The following ARHGAP20 variants were observed in gnomAD, a reference collection of about 807,000 sequenced individuals.
ARHGAP20 encodes the protein Rho GTPase activating protein 20, also known as rho GTPase-activating protein 20.
ARHGAP20 carries 34 observed loss-of-function variants against 73.7 expected under a neutral mutation model. That is an observed-to-expected ratio of 0.46 (90% CI 0.35 to 0.61). The LOEUF is 0.61. Ranked by LOEUF, ARHGAP20 falls within the 20% of genes least tolerant of loss-of-function variation. The probability of loss-of-function intolerance (pLI) is 0.00; values close to 1 mark genes in which losing one functional copy is unlikely to be tolerated. For synonymous variants in ARHGAP20, 523 were observed against 518.2 expected (o/e 1.01, Z -0.13); for missense variants, 1,314 against 1,420.9 (o/e 0.92, Z 1.21).
In ARHGAP20 at chr11:110,592,108, C is replaced by T; in HGVS notation, c.1012G>A (p.Ala338Thr). Residue 338 changes from alanine (A) to threonine (T), a missense_variant, in exon 10 of 15, where the codon GCC becomes ACC. This residue lies in a region of ARHGAP20 where 443 missense variants were observed against 466.4 expected (regional missense o/e 0.95). Coordinates refer to ENST00000683387, the MANE Select transcript of ARHGAP20 (RefSeq NM_001384657.1). The stretch of plus-strand genomic sequence containing the variant: ...TGAGTGCTAGAACCTCGCCAGAAGG[C>T]CCAGTTTATGATAGATCTTCTCCTT... ...FKRRRSIINW[A>T]FWRGSSTHLD... 6.2e-7 allele frequency: 1 copy of T among 1,614,128 alleles called. No homozygotes were observed. Among genetic ancestry groups the T allele is most frequent in the Non-Finnish European group, 8.5e-7 (1 of 1,179,982 alleles).
chr11:110,583,081 G>A (rs1947517124), intron 13 of ARHGAP20, among the ~76,000 whole-genome samples: 1 of 152,200 alleles, frequency 6.6e-6, no homozygotes, highest in South Asian at 2.1e-4. Flanking sequence ...AAAGGGAACT[G>A]ATATCCCCAC....
intron 4 of ARHGAP20, among the ~76,000 whole-genome samples, chr11:110,617,755 T>C (rs944644470): frequency 1.3e-5 from 2 of 152,292 alleles, no homozygotes. Flanking sequence ...CTCAGGCATT[T>C]TTACAGGACT....
intron 1 of ARHGAP20, among the ~76,000 whole-genome samples, chr11:110,700,611 T>C (rs1418332464): frequency 1.3e-5 from 2 of 152,090 alleles, no homozygotes; most frequent in Non-Finnish European, 2.9e-5. Context: ...TATTATACTT[T>C]AAGTTTTAGG....
intron 2 of ARHGAP20, among the ~76,000 whole-genome samples, chr11:110,640,092 T>G (rs1487899744): frequency 1.3e-5 from 2 of 152,050 alleles, no homozygotes; most frequent in Non-Finnish European, 2.9e-5. Flanking sequence ...TCTCCCCTTT[T>G]GCTTCCCACA....
In ARHGAP20 at chr11:110,590,674, T is replaced by C; in HGVS notation, c.1279A>G (p.Ile427Val). Residue 427 changes from isoleucine to valine, a missense_variant, in exon 11 of 15, where the codon ATT (isoleucine) becomes GTT (valine). Ile to Val is a conservative substitution (Grantham distance 29). Around this residue, in one of 3 missense-constraint regions of ARHGAP20, gnomAD observed 230 missense variants for 317.6 expected, o/e 0.72. Coordinates refer to ENST00000683387, the MANE Select transcript of ARHGAP20 (RefSeq NM_001384657.1). ...TTTAAGACAGATGCTATCACAAAAA[T>C]AGATTCACAGTCTAGGTGTACTTCG... Reference protein sequence around the residue: ...GVEVHLDCESIFVIASVLKDF... With the variant: ...GVEVHLDCESVFVIASVLKDF... 5 of 1,613,952 alleles carry C rather than the reference T, an allele frequency of 3.1e-6. No individual in the cohort carries two copies. Among genetic ancestry groups the C allele is most frequent in the Non-Finnish European group, 3.4e-6 (4 of 1,179,916 alleles).
chr11:110,700,212 T>C (rs1950416990), intron 1 of ARHGAP20, among the ~76,000 whole-genome samples: 1 of 151,998 alleles, frequency 6.6e-6, no homozygotes, highest in South Asian at 2.1e-4. Context: ...TCATGCTTTG[T>C]TTTGTTCCAG....
intron 1 of ARHGAP20, among the ~76,000 whole-genome samples, chr11:110,704,680 A>G (rs1438320514): frequency 6.6e-6 from 1 of 152,168 alleles, no homozygotes; most frequent in Non-Finnish European, 1.5e-5. Flanking sequence ...AGTAAATAAA[A>G]GCTAAAGATC....
At chr11:110,688,154 C>T (rs944211300) in intron 2 of ARHGAP20, among the ~76,000 whole-genome samples, 1 of 152,266 alleles carries the variant, frequency 6.6e-6, no homozygotes, top group African/African-American at 2.4e-5. Flanking sequence ...TTCTTCTCTA[C>T]GCAGGATATT....
At chr11:110,675,632 G>A (rs1300253854) in intron 2 of ARHGAP20, among the ~76,000 whole-genome samples, 1 of 152,144 alleles carries the variant, frequency 6.6e-6, no homozygotes. Context: ...TGTGCTCCTA[G>A]GAGAATCTAG....
At chr11:110,663,400 G>A (rs1448237926) in intron 2 of ARHGAP20, among the ~76,000 whole-genome samples, 2 of 150,230 alleles carry the variant, frequency 1.3e-5, no homozygotes, top group East Asian at 3.9e-4. Flanking sequence ...ACTAATATCA[G>A]GAATTCCAAA....
intron 1 of ARHGAP20, among the ~76,000 whole-genome samples, chr11:110,708,772 G>A (rs958117990): frequency 1.3e-4 from 20 of 152,148 alleles, no homozygotes; most frequent in Admixed American, 1.2e-3. Context: ...AACTTTGGGG[G>A]ATGACGAATA....
chr11:110,669,943 T>C (rs1215091995), intron 2 of ARHGAP20, among the ~76,000 whole-genome samples: 1 of 152,042 alleles, frequency 6.6e-6, no homozygotes, highest in Non-Finnish European at 1.5e-5. Flanking sequence ...ATAAAGAGGT[T>C]TTGGTATACC....
chr11:110,650,970 A>T (rs1475329542), intron 2 of ARHGAP20, among the ~76,000 whole-genome samples: 1 of 152,174 alleles, frequency 6.6e-6, no homozygotes, highest in African/African-American at 2.4e-5. Context: ...ACTTATTCTA[A>T]AATTGATCAC....
chr11:110,599,064 C>G (rs1052693422), intron 9 of ARHGAP20, among the ~76,000 whole-genome samples: 2 of 152,212 alleles, frequency 1.3e-5, no homozygotes, highest in Non-Finnish European at 2.9e-5. Flanking sequence ...GCCCTGCCCT[C>G]CCAGGTGTAG....
chr11:110,605,692 T>C (rs1320351307), intron 9 of ARHGAP20, among the ~76,000 whole-genome samples: 2 of 151,912 alleles, frequency 1.3e-5, no homozygotes, highest in Non-Finnish European at 2.9e-5. Context: ...AATTTCAGAC[T>C]TTCCCCTGGC....
At chr11:110,621,615 A>AT (rs963673757) in intron 4 of ARHGAP20, among the ~76,000 whole-genome samples, 6 of 151,836 alleles carry the variant, frequency 4.0e-5, no homozygotes, top group Non-Finnish European at 7.4e-5. Context: ...CCTTTTTAGT[A>AT]TTTTTTATTT....
rs1947395451 is a variant in ARHGAP20 at position 110,579,863 on chromosome 11, T to C, written c.3083A>G (p.His1028Arg). 10 of 1,614,234 alleles carry C rather than the reference T, an allele frequency of 6.2e-6. No individual in the cohort carries two copies. The highest frequency in any genetic ancestry group is 7.6e-6 in the Non-Finnish European group (9 of 1,180,042). Reference protein sequence around the residue: ...KDTMEWHSQMHSVTLHPSTWL... With the variant: ...KDTMEWHSQMRSVTLHPSTWL... ...TGTGCTGGGATGAAGAGTTACAGAA[T>C]GCATTTGTGAATGCCACTCCATGGT... The change falls in exon 15 of 15, where the codon CAT (histidine) becomes CGT (arginine). Residue 1028 changes from histidine to arginine, a missense_variant. Around this residue, in one of 3 missense-constraint regions of ARHGAP20, gnomAD observed 641 missense variants for 636.9 expected, o/e 1.01. Transcript: ENST00000683387.
chr11:110,691,014 T>C (rs1591181740), intron 1 of ARHGAP20: 1 of 1,517,402 alleles, frequency 6.6e-7, no homozygotes, highest in Non-Finnish European at 8.8e-7. Context: ...TAGATACTAC[T>C]ATCTTTATTT....
In ARHGAP20 at chr11:110,627,613, T is replaced by A. The variant is rs188471032; in HGVS notation, c.353+3015A>T. Among the ~76,000 whole-genome samples, 93 of 152,286 alleles carry A rather than the reference T, an allele frequency of 6.1e-4. 1 individual carries two copies. In the Middle Eastern group the frequency reaches 0.01, roughly 17 times the overall value. On this transcript the variant is annotated intron_variant, in intron 3 of 14. Coordinates refer to ENST00000683387, the MANE Select transcript of ARHGAP20 (RefSeq NM_001384657.1). ...TATATATTCCACAAATATCTGATGG[T>A]AATTCTATTAATAAATTTATTTCAT... is the stretch of plus-strand genomic sequence containing the variant.
Sources: gnomAD v4.1 joint callset for allele counts (sites outside exome capture counted in the v4.1 genomes callset) on GRCh38, gnomAD v4.1.1 for gene constraint, gnomAD v4.1.1 regional missense constraint, MANE v1.5 for transcripts, NCBI Gene and HGNC (gene_info 2026-07-23, HGNC 2026-07-21) for gene names.